LRRIQ1: variants seen among roughly 807,000 people sequenced by gnomAD.
LRRIQ1 encodes the protein leucine-rich repeat- and IQ domain-containing protein 1.
LRRIQ1 carries 210 observed loss-of-function variants against 211.9 expected under a neutral mutation model. The ratio of observed to expected loss-of-function variants is 0.99; its 90% CI spans 0.89 to 1.11. The LOEUF (loss-of-function observed/expected upper bound fraction) is 1.11. Among genes scored for constraint, LRRIQ1 ranks in the 50% most tolerant of loss-of-function variants. The pLI, the probability that LRRIQ1 is intolerant of heterozygous loss-of-function variation, is 0.00. For synonymous variants in LRRIQ1, 699 were observed against 650.1 expected (o/e 1.08, Z -1.14); for missense variants, 2,136 against 1,939.5 (o/e 1.10, Z -1.90).
chr12:85,045,418 C>A (rs536747634), intron 4 of LRRIQ1, among the ~76,000 whole-genome samples: 3 of 151,736 alleles, frequency 2.0e-5, no homozygotes, highest in African/African-American at 2.4e-5. Flanking sequence ...TTGAAAATTT[C>A]TTATATATCT....
intron 26 of LRRIQ1, among the ~76,000 whole-genome samples, chr12:85,242,207 C>A (rs1431958185): frequency 1.3e-5 from 2 of 151,928 alleles, no homozygotes; most frequent in Admixed American, 1.3e-4. Flanking sequence ...ATTTTGGAAT[C>A]CAACATACGT....
At chr12:85,044,871 A>G in intron 4 of LRRIQ1, 62 bp downstream of exon 4, 1 of 700,722 alleles carries the variant, frequency 1.4e-6, no homozygotes, top group Non-Finnish European at 2.4e-6. Flanking sequence ...TCTCTCTTAC[A>G]CAAGATTGAT....
intron 24 of LRRIQ1, among the ~76,000 whole-genome samples, chr12:85,216,250 T>C (rs370011807): frequency 6.6e-6 from 1 of 152,104 alleles, no homozygotes; most frequent in Non-Finnish European, 1.5e-5. Flanking sequence ...CTCCCACTTA[T>C]GAGTGAGAAC....
chr12:85,266,111 A>G (rs979473705), downstream of LRRIQ1, among the ~76,000 whole-genome samples: 1 of 152,130 alleles, frequency 6.6e-6, no homozygotes, highest in Non-Finnish European at 1.5e-5. Flanking sequence ...TTAATCAAAG[A>G]CCATCTTACA....
chr12:85,232,824 A>C (rs1183632663), intron 26 of LRRIQ1, 68 bp downstream of exon 26: 1 of 1,035,772 alleles, frequency 9.7e-7, no homozygotes, highest in Non-Finnish European at 1.5e-6. Flanking sequence ...TGGCACTTTA[A>C]GATATGTTTA....
chr12:85,105,093 T>C (rs1230111988), intron 14 of LRRIQ1, among the ~76,000 whole-genome samples: 2 of 152,112 alleles, frequency 1.3e-5, no homozygotes, highest in Non-Finnish European at 2.9e-5. Context: ...AATGTGACTA[T>C]TTTTATTTTT....
At chr12:85,081,919 C>A (rs1011986796) in intron 11 of LRRIQ1, among the ~76,000 whole-genome samples, 15 of 151,798 alleles carry the variant, frequency 9.9e-5, no homozygotes, top group African/African-American at 3.6e-4. Context: ...GAAGGGGTTT[C>A]ACCATGTTGG....
At chr12:85,142,082 G>T (rs1162708881) in intron 19 of LRRIQ1, among the ~76,000 whole-genome samples, 2 of 151,250 alleles carry the variant, frequency 1.3e-5, no homozygotes, top group South Asian at 2.1e-4. Flanking sequence ...TCTAAGAATA[G>T]AATTCTAGTT....
chr12:85,116,569 T>C (rs1263517463), intron 15 of LRRIQ1, among the ~76,000 whole-genome samples: 1 of 152,156 alleles, frequency 6.6e-6, no homozygotes, highest in Admixed American at 6.6e-5. Context: ...TTACTTTTAT[T>C]TTAGGTTTTG....
intron 25 of LRRIQ1, among the ~76,000 whole-genome samples, chr12:85,230,467 T>C (rs1040917095): frequency 2.0e-5 from 3 of 152,150 alleles, no homozygotes; most frequent in Non-Finnish European, 4.4e-5. Context: ...AGGACACCAG[T>C]GATATTGGAT....
At chr12:85,095,218 T>C (rs773155698) in intron 11 of LRRIQ1, among the ~76,000 whole-genome samples, 11 of 152,298 alleles carry the variant, frequency 7.2e-5, no homozygotes, top group Admixed American at 1.3e-4. Context: ...GCTTCCAGCT[T>C]TTGCCCATTC....
chr12:85,080,120 G>A (rs1884117934), intron 11 of LRRIQ1, among the ~76,000 whole-genome samples: 1 of 151,838 alleles, frequency 6.6e-6, no homozygotes, highest in Non-Finnish European at 1.5e-5. Context: ...TCTATTTGAG[G>A]TATAGACTTA....
At position 85,098,444 on chromosome 12, in the gene LRRIQ1, A is replaced by T. The variant is rs772093586; in HGVS notation, c.2977A>T (p.Ile993Phe). The change falls in exon 12 of 27, where the codon ATT (isoleucine) becomes TTT (phenylalanine). Residue 993 changes from isoleucine to phenylalanine, a missense_variant. Coordinates refer to ENST00000393217, the MANE Select transcript of LRRIQ1 (RefSeq NM_001079910.2). ...AAAAGGTCTTTGTGATACACCTACCATTGTATACCTAGATTGCTCCCATAA... is the reference window on the plus strand; with the variant it reads ...AAAAGGTCTTTGTGATACACCTACCTTTGTATACCTAGATTGCTCCCATAA... ...NTKGLCDTPT[I>F]VYLDCSHNHL... 6.2e-7 allele frequency: 1 copy of T among 1,610,252 alleles called. No homozygotes were observed. Among genetic ancestry groups the T allele is most frequent in the South Asian group, 1.1e-5 (1 of 90,994 alleles).
chr12:85,070,307 C>T (rs1202739841), intron 10 of LRRIQ1, among the ~76,000 whole-genome samples: 2 of 151,920 alleles, frequency 1.3e-5, no homozygotes, highest in Middle Eastern at 3.4e-3. Flanking sequence ...TTATAAAGCT[C>T]GCCATCAACC....
At chr12:85,270,929 A>C in the LRRIQ1 span, among the ~76,000 whole-genome samples, 1 of 152,190 alleles carries the variant, frequency 6.6e-6, no homozygotes, top group African/African-American at 2.4e-5. Context: ...ATAGATATGC[A>C]TAAATACAAA....
At chr12:85,104,553 G>A (rs929866363) in intron 14 of LRRIQ1, among the ~76,000 whole-genome samples, 5 of 151,844 alleles carry the variant, frequency 3.3e-5, no homozygotes, top group African/African-American at 9.7e-5. Context: ...GGATCAAACA[G>A]TACATTCCTT....
At chr12:85,037,513 T>A (rs1878288035) in intron 1 of LRRIQ1, among the ~76,000 whole-genome samples, 1 of 152,104 alleles carries the variant, frequency 6.6e-6, no homozygotes, top group Admixed American at 6.6e-5. Context: ...TTTCTTTTCC[T>A]TTTTTTATTT....
chr12:85,064,609 G>A (rs940286349), intron 8 of LRRIQ1, among the ~76,000 whole-genome samples: 1 of 151,688 alleles, frequency 6.6e-6, no homozygotes, highest in African/African-American at 2.4e-5. Flanking sequence ...CCTGTGTCCT[G>A]GAGAGTTTCC....
chr12:85,212,785 T>TAGAGAGAGAGAG, intron 24 of LRRIQ1, among the ~76,000 whole-genome samples: 1 of 148,500 alleles, frequency 6.7e-6, no homozygotes, highest in African/African-American at 2.5e-5. Context: ...TTTATATATA[T>TAGAGAGAGAGAG]ATAGAGAGAG....
Sources: allele counts gnomAD v4.1 joint callset (sites outside exome capture counted in the v4.1 genomes callset), GRCh38; gene constraint gnomAD v4.1.1; transcripts MANE v1.5; gene names NCBI Gene and HGNC (gene_info 2026-07-23, HGNC 2026-07-21).